The following MTRES1 variants were observed in gnomAD, a reference collection of about 807,000 sequenced individuals.
MTRES1 encodes uncharacterized protein C6orf203.
MTRES1 carries 11 observed loss-of-function variants against 17.4 expected under a neutral mutation model. The observed-to-expected ratio is 0.63, with a 90% CI of 0.40 to 1.05. The LOEUF (loss-of-function observed/expected upper bound fraction) is 1.05, where lower values mean the gene tolerates loss of function less well. Among genes scored for constraint, MTRES1 ranks in the 50% least tolerant of loss-of-function variants. The pLI is 0.00. For missense variants in MTRES1, 268 were observed against 276.2 expected, an observed-to-expected ratio of 0.97 and a Z score of 0.21; for synonymous variants, 94 against 99.6, an observed-to-expected ratio of 0.94 and a Z score of 0.34.
Position 107,051,225 on chromosome 6 carries a change from A to C in MTRES1, c.712A>C (p.Met238Leu). Residue 238 changes from methionine to leucine, a missense_variant, in exon 4 of 4, where the codon ATG (methionine) becomes CTG (leucine). By Grantham distance (15) the Met-to-Leu change is conservative. Transcript: ENST00000311381. ...AAGTTTAAAGTTGCCTAAGAAGAGA[A>C]TGTCTAAATAAATGGATTGCTTTTT... ...WKSLKLPKKR[M>L]SK 2.5e-6 allele frequency: 4 copies of C among 1,612,712 alleles called. No homozygotes were observed. The highest frequency in any genetic ancestry group is 3.4e-6 in the Non-Finnish European group (4 of 1,179,376).
chr6:107,031,041 A>T (rs1762696), intron 1 of MTRES1, among the ~76,000 whole-genome samples: 4 of 151,982 alleles, frequency 2.6e-5, no homozygotes, highest in Non-Finnish European at 4.4e-5. Flanking sequence ...TGAATGTAGA[A>T]GAGAAGAGGA....
rs937410169 is a variant in MTRES1 at position 107,037,329 on chromosome 6, C to G, written c.-12-2420C>G. Among the ~76,000 whole-genome samples, 48 of 152,028 alleles carry G rather than the reference C, an allele frequency of 3.2e-4. 1 individual carries two copies. Among genetic ancestry groups the G allele is most frequent in the Admixed American group, 2.9e-3 (44 of 15,250 alleles). Reference sequence around the variant, plus strand: ...AAGTGATCTGCCCGCCTCAGCCTCCCAAAGTGTTGGGATTACCGGCATGAG... The same window carrying G: ...AAGTGATCTGCCCGCCTCAGCCTCCGAAAGTGTTGGGATTACCGGCATGAG... On this transcript the variant is annotated intron_variant, in intron 1 of 3. Transcript: ENST00000311381.
chr6:107,035,961 A>AT (rs1435210362), intron 1 of MTRES1, among the ~76,000 whole-genome samples: 1 of 151,858 alleles, frequency 6.6e-6, no homozygotes, highest in Non-Finnish European at 1.5e-5. Context: ...TTTTCTTCAT[A>AT]TTTTTTCAAA....
intron 1 of MTRES1, among the ~76,000 whole-genome samples, chr6:107,029,579 G>T (rs1306047856): frequency 6.6e-6 from 1 of 151,716 alleles, no homozygotes; most frequent in Non-Finnish European, 1.5e-5. Context: ...CCCCTCCCAG[G>T]TTCAAGCGAT....
intron 2 of MTRES1, among the ~76,000 whole-genome samples, chr6:107,042,170 C>A (rs1433571546): frequency 1.3e-5 from 2 of 151,662 alleles, no homozygotes; most frequent in South Asian, 4.2e-4. Flanking sequence ...GAAACCCTGT[C>A]TCTACTAAAA....
chr6:107,044,727 C>T (rs1554228197), intron 3 of MTRES1, among the ~76,000 whole-genome samples: 1 of 152,198 alleles, frequency 6.6e-6, no homozygotes, highest in Non-Finnish European at 1.5e-5. Context: ...TTCTATACAG[C>T]TCAGCAGTAC....
At chr6:107,047,564 G>A (rs1774434657) in intron 3 of MTRES1, among the ~76,000 whole-genome samples, 1 of 151,872 alleles carries the variant, frequency 6.6e-6, no homozygotes, top group African/African-American at 2.4e-5. Flanking sequence ...TCTAAATTTT[G>A]TATCATATGC....
intron 1 of MTRES1, among the ~76,000 whole-genome samples, chr6:107,033,384 A>ATT (rs61424162): frequency 2.8e-4 from 40 of 144,806 alleles, no homozygotes; most frequent in South Asian, 4.4e-4. Flanking sequence ...TCAGTAGTAG[A>ATT]TTTTTTTTTT....
intron 1 of MTRES1, chr6:107,029,876 G>A (rs1488286356): frequency 3.4e-6 from 2 of 585,804 alleles, no homozygotes; most frequent in Non-Finnish European, 6.1e-6. Flanking sequence ...AAAGTGCTGG[G>A]ATTATAGGCG....
At chr6:107,047,775 A>G (rs578046172) in intron 3 of MTRES1, among the ~76,000 whole-genome samples, 4 of 152,134 alleles carry the variant, frequency 2.6e-5, no homozygotes, top group South Asian at 2.1e-4. Flanking sequence ...AATTCCAGCT[A>G]TTCAGGAGGC....
intron 2 of MTRES1, among the ~76,000 whole-genome samples, chr6:107,042,814 G>C (rs558513844): frequency 2.2e-4 from 34 of 152,072 alleles, no homozygotes; most frequent in Non-Finnish European, 3.8e-4. Context: ...CTGGGAGTCA[G>C]GTGGAGTACC....
At chr6:107,047,156 C>G (rs1554228515) in intron 3 of MTRES1, among the ~76,000 whole-genome samples, 1 of 152,136 alleles carries the variant, frequency 6.6e-6, no homozygotes, top group Non-Finnish European at 1.5e-5. Context: ...AGGCAGACAT[C>G]ATGCACAGTA....
At chr6:107,036,298 C>G (rs1157088368) in intron 1 of MTRES1, among the ~76,000 whole-genome samples, 1 of 152,128 alleles carries the variant, frequency 6.6e-6, no homozygotes, top group African/African-American at 2.4e-5. Flanking sequence ...AATCTCAGCA[C>G]TTTGGGAGGC....
In MTRES1 at chr6:107,044,287, T is replaced by C. The variant is rs1774318840; in HGVS notation, c.498T>C (p.Gly166=). 4 of 1,614,002 alleles carry C rather than the reference T, an allele frequency of 2.5e-6. No individual in the cohort carries two copies. Among genetic ancestry groups the C allele is most frequent in the Non-Finnish European group, 3.4e-6 (4 of 1,179,936 alleles). Residue 166 remains glycine (G), a synonymous_variant, in exon 3 of 4, where the codon GGT becomes GGC. Coordinates refer to ENST00000311381, the MANE Select transcript of MTRES1 (RefSeq NM_016487.5). The stretch of plus-strand genomic sequence containing the variant: ...AAGTGGAAGATGCTTTCTACAAAGG[T>C]GAACTCAGGCTGAATGAGGAAAAAT... ...RNKVEDAFYK[G]ELRLNEEKLW... is the part of the protein sequence containing the mutation.
intron 1 of MTRES1, among the ~76,000 whole-genome samples, chr6:107,029,157 C>G (rs1554226080): frequency 6.7e-6 from 1 of 149,802 alleles, no homozygotes; most frequent in African/African-American, 2.5e-5. Flanking sequence ...TCCCCAGCAG[C>G]TGGGACTACA....
At chr6:107,029,947 T>C in intron 1 of MTRES1, 1 of 638,416 alleles carries the variant, frequency 1.6e-6, no homozygotes, top group Non-Finnish European at 2.8e-6. Flanking sequence ...TCCACTTTCT[T>C]CCCCCAGTGC....
intron 1 of MTRES1, among the ~76,000 whole-genome samples, chr6:107,036,629 G>A (rs559476312): frequency 6.6e-6 from 1 of 152,194 alleles, no homozygotes; most frequent in South Asian, 2.1e-4. Context: ...AGATCACGAG[G>A]TCAGGAGATC....
chr6:107,045,827 C>CT, intron 3 of MTRES1, among the ~76,000 whole-genome samples: 1 of 152,346 alleles, frequency 6.6e-6, no homozygotes, highest in Non-Finnish European at 1.5e-5. Context: ...GTTAGACATA[C>CT]TTTGGAGATT....
Position 107,039,461 on chromosome 6 carries a change from A to C in MTRES1, c.-12-288A>C, listed in dbSNP as rs188167815. On this transcript the variant is annotated intron_variant, in intron 1 of 3. Coordinates refer to ENST00000311381, the MANE Select transcript of MTRES1 (RefSeq NM_016487.5). ...CAGCCTCCCGAGTAGCTGGGATTAC[A>C]GGCGCCTGCCACCACACCCGGCTAA... Among the ~76,000 whole-genome samples the C allele has an allele frequency of 3.3e-3, 501 of 152,078 alleles. 4 individuals carry two copies. Among genetic ancestry groups the C allele is most frequent in the African/African-American group, 0.012 (478 of 41,490 alleles).
Sources: allele counts gnomAD v4.1 joint callset (sites outside exome capture counted in the v4.1 genomes callset), GRCh38; gene constraint gnomAD v4.1.1; transcripts MANE v1.5; gene names NCBI Gene and HGNC (gene_info 2026-07-23, HGNC 2026-07-21).